Variants in TUFT1 observed in about 807,000 individuals in gnomAD.
The protein encoded by TUFT1 is tuftelin 1, also known as tuftelin.
A neutral mutation model predicts 57.8 loss-of-function variants in TUFT1; 43 were observed. That is an observed-to-expected ratio of 0.74 (90% CI 0.58 to 0.96). TUFT1 has a LOEUF of 0.96. Among genes scored for constraint, TUFT1 ranks in the 40% least tolerant of loss-of-function variants. The pLI is 0.00. For missense variants in TUFT1, 459 were observed against 489.0 expected, an observed-to-expected ratio of 0.94 and a Z score of 0.58; for synonymous variants, 166 against 176.7, an observed-to-expected ratio of 0.94 and a Z score of 0.48.
At chr1:151,561,578 T>C (rs765612308) in intron 1 of TUFT1, 106 of 1,186,898 alleles carry the variant, frequency 8.9e-5, no homozygotes, top group Non-Finnish European at 1.1e-4. Context: ...ATACCTATTA[T>C]CTTGCCTGTT....
In TUFT1 at chr1:151,563,931, A is replaced by C; in HGVS notation, c.265A>C (p.Lys89Gln). Residue 89 changes from lysine (K) to glutamine (Q), a missense_variant, in exon 4 of 13, where the codon AAG (lysine) becomes CAG (glutamine). By Grantham distance (53) the Lys-to-Gln change is moderately conservative (BLOSUM62 1). Coordinates refer to ENST00000368849, the MANE Select transcript of TUFT1 (RefSeq NM_020127.3). ...GTACTTGAAGGGGAGGTCTGGAGAC[A>C]AGATGATTCACGAGAAGAATATTAA... ...KVYLKGRSGD[K>Q]MIHEKNINQL... 1.2e-6 allele frequency: 2 copies of C among 1,614,176 alleles called. No homozygotes were observed. Among genetic ancestry groups the C allele is most frequent in the Non-Finnish European group, 1.7e-6 (2 of 1,180,042 alleles).
chr1:151,555,801 A>T (rs1335332139), intron 1 of TUFT1, among the ~76,000 whole-genome samples: 1 of 151,706 alleles, frequency 6.6e-6, no homozygotes, highest in African/African-American at 2.4e-5. Context: ...AAAAAAGATA[A>T]TTATAGATTC....
At chr1:151,554,926 ACTC>A (rs1474790754) in intron 1 of TUFT1, among the ~76,000 whole-genome samples, 18 of 143,134 alleles carry the variant, frequency 1.3e-4, no homozygotes, top group Non-Finnish European at 4.6e-5. Flanking sequence ...CTGGTCTTGA[ACTC>A]CTGACCTCAG....
At chr1:151,581,309 A>T (rs975117987) in intron 12 of TUFT1, among the ~76,000 whole-genome samples, 2 of 152,184 alleles carry the variant, frequency 1.3e-5, no homozygotes, top group Non-Finnish European at 2.9e-5. Context: ...TAATGTTTGC[A>T]TATTTCTAGG....
At chr1:151,566,311 TCTC>T in intron 6 of TUFT1, 83 bp downstream of exon 6, 9 of 822,070 alleles carry the variant, frequency 1.1e-5, no homozygotes, top group Middle Eastern at 2.3e-4. Flanking sequence ...TATTGCTTTC[TCTC>T]TCTCTCTCTC....
At chr1:151,579,074 A>C (rs553483405) in intron 10 of TUFT1, among the ~76,000 whole-genome samples, 1 of 152,266 alleles carries the variant, frequency 6.6e-6, no homozygotes, top group East Asian at 1.9e-4. Context: ...TTTGTCATAT[A>C]CTCTGTGAAG....
intron 7 of TUFT1, among the ~76,000 whole-genome samples, chr1:151,573,106 C>T (rs558206093): frequency 4.6e-5 from 7 of 152,048 alleles, no homozygotes; most frequent in Admixed American, 1.3e-4. Context: ...CAGTTCCACT[C>T]ATTATTTTAT....
chr1:151,571,825 A>G (rs760989863), intron 7 of TUFT1, among the ~76,000 whole-genome samples: 4 of 152,190 alleles, frequency 2.6e-5, no homozygotes, highest in Non-Finnish European at 5.9e-5. Context: ...CCTGACAGCT[A>G]TAGCCCACTG....
In TUFT1 at chr1:151,578,776, G is replaced by T. The variant is rs1412910130; in HGVS notation, c.874G>T (p.Asp292Tyr). Reference protein sequence around the residue: ...AGLREKIHHLDDMLKSQQRKV... With the variant: ...AGLREKIHHLYDMLKSQQRKV... Reference sequence around the variant, plus strand: ...GTTGCGGGAGAAGATCCACCACTTGGATGACATGCTCAAGAGCCAGCAGCG... The same window carrying T: ...GTTGCGGGAGAAGATCCACCACTTGTATGACATGCTCAAGAGCCAGCAGCG... Residue 292 changes from aspartate (D) to tyrosine (Y), a missense_variant, in exon 10 of 13, where the codon GAT becomes TAT. Transcript: ENST00000368849. 5 of 1,585,026 alleles carry T rather than the reference G, an allele frequency of 3.2e-6. No homozygotes were observed. The highest frequency in any genetic ancestry group is 1.1e-5 in the South Asian group (1 of 86,990).
At chr1:151,540,752 G>T in intron 1 of TUFT1, 2 of 308,992 alleles carry the variant, frequency 6.5e-6, no homozygotes, top group East Asian at 8.1e-5. Flanking sequence ...TGGGTCATAA[G>T]AGAATGAGCT....
intron 1 of TUFT1, among the ~76,000 whole-genome samples, chr1:151,544,990 G>T (rs529749713): frequency 1.3e-5 from 2 of 152,128 alleles, no homozygotes; most frequent in Admixed American, 6.5e-5. Flanking sequence ...TAATAAACTA[G>T]TTTCTGTTAA....
intron 2 of TUFT1, 86 bp downstream of exon 2, chr1:151,562,251 C>A: frequency 1.6e-6 from 2 of 1,241,250 alleles, no homozygotes; most frequent in Non-Finnish European, 1.2e-6. Context: ...CTGCCTGGAG[C>A]CGACTCTGGT....
intron 1 of TUFT1, among the ~76,000 whole-genome samples, chr1:151,541,371 A>C (rs1487172656): frequency 6.6e-6 from 1 of 152,114 alleles, no homozygotes; most frequent in Non-Finnish European, 1.5e-5. Context: ...CCAGAGGCTG[A>C]GGAGGGTAAT....
chr1:151,545,887 C>A, intron 1 of TUFT1: 2 of 532,632 alleles, frequency 3.8e-6, no homozygotes, highest in South Asian at 2.8e-5. Flanking sequence ...TCTCTCTGGG[C>A]ATCTTTCCTC....
rs1206840271 is a variant in TUFT1 at position 151,564,615 on chromosome 1, G to A, written c.414+1G>A. 1.2e-6 allele frequency: 2 copies of A among 1,613,460 alleles called. No homozygotes were observed. Among genetic ancestry groups the A allele is most frequent in the Admixed American group, 3.3e-5 (2 of 60,002 alleles). On this transcript the variant is annotated splice_donor_variant, in intron 5 of 12. Coordinates refer to ENST00000368849, the MANE Select transcript of TUFT1 (RefSeq NM_020127.3). LOFTEE classifies it high-confidence loss of function. ...TTCTCTCCATCGACAGGAGATACAG[G>A]TAATAGGAAATGGTCCATGGTTGGG...
intron 6 of TUFT1, among the ~76,000 whole-genome samples, chr1:151,568,189 G>A (rs1666141925): frequency 6.6e-6 from 1 of 151,982 alleles, no homozygotes; most frequent in South Asian, 2.1e-4. Flanking sequence ...TCATCCTCAT[G>A]GGTCCTGTCA....
Position 151,562,133 on chromosome 1 carries a change from A to G in TUFT1, c.103A>G (p.Thr35Ala), listed in dbSNP as rs752663930. ...ILRLTLQGEL[T>A]GDELEHIAQK... ...CAGGCTGACTCTCCAGGGTGAACTG[A>G]CAGGAGATGAACTTGAACACATAGC... Residue 35 changes from threonine (T) to alanine (A), a missense_variant, in exon 2 of 13, where the codon ACA becomes GCA. Thr to Ala is a moderately conservative substitution (Grantham distance 58). Coordinates refer to ENST00000368849, the MANE Select transcript of TUFT1 (RefSeq NM_020127.3). 2 of 1,614,180 alleles carry G rather than the reference A, an allele frequency of 1.2e-6. No individual in the cohort carries two copies. Among genetic ancestry groups the G allele is most frequent in the South Asian group, 2.2e-5 (2 of 91,080 alleles).
chr1:151,546,614 A>C (rs1329162469), intron 1 of TUFT1, among the ~76,000 whole-genome samples: 1 of 152,218 alleles, frequency 6.6e-6, no homozygotes, highest in Non-Finnish European at 1.5e-5. Flanking sequence ...ATATAAATGT[A>C]ATCATCGGTA....
intron 1 of TUFT1, chr1:151,545,850 A>G (rs754990509): frequency 9.4e-6 from 5 of 533,970 alleles, no homozygotes; most frequent in Non-Finnish European, 1.9e-5. Flanking sequence ...TAGACTGGTG[A>G]TGGGTCAGGG....
Sources: allele counts gnomAD v4.1 joint callset (sites outside exome capture counted in the v4.1 genomes callset), GRCh38; gene constraint gnomAD v4.1.1; transcripts MANE v1.5; gene names NCBI Gene and HGNC (gene_info 2026-07-23, HGNC 2026-07-21).